Variants in BBS9 observed in about 807,000 individuals in gnomAD.
The protein encoded by BBS9 is protein PTHB1.
BBS9 carries 89 observed loss-of-function variants against 117.7 expected under a neutral mutation model. The observed-to-expected ratio is 0.76, with a 90% CI of 0.64 to 0.90. The LOEUF is 0.90. Among genes scored for constraint, BBS9 ranks in the 40% least tolerant of loss-of-function variants. The pLI, the probability that BBS9 is intolerant of heterozygous loss-of-function variation, is 0.00. For synonymous variants in BBS9, 379 were observed against 370.9 expected (o/e 1.02, Z -0.25); for missense variants, 982 against 1,042.2 (o/e 0.94, Z 0.80).
At chr7:33,514,841 A>G (rs1379309617) in intron 20 of BBS9, among the ~76,000 whole-genome samples, 2 of 152,196 alleles carry the variant, frequency 1.3e-5, no homozygotes, top group African/African-American at 4.8e-5. Context: ...AATAATAATA[A>G]CAACAATAAT....
At chr7:33,357,829 A>C (rs375095388) in intron 15 of BBS9, 26 bp from the exon 16 acceptor site, 2 of 1,604,866 alleles carry the variant, frequency 1.2e-6, no homozygotes, top group East Asian at 4.5e-5. Flanking sequence ...AAGTCTATGA[A>C]TCTACATATC....
intron 5 of BBS9, among the ~76,000 whole-genome samples, chr7:33,194,096 T>C (rs1285508228): frequency 1.3e-5 from 2 of 152,166 alleles, no homozygotes; most frequent in African/African-American, 4.8e-5. Context: ...TTTTTCTTTT[T>C]GCAGAAAAAA....
At chr7:33,265,202 T>C (rs1798604705) in intron 7 of BBS9, among the ~76,000 whole-genome samples, 1 of 152,150 alleles carries the variant, frequency 6.6e-6, no homozygotes, top group Admixed American at 6.5e-5. Context: ...TAATGTAGAA[T>C]TTAGAATACT....
At chr7:33,252,919 T>G (rs909503877) in intron 5 of BBS9, among the ~76,000 whole-genome samples, 2 of 152,160 alleles carry the variant, frequency 1.3e-5, no homozygotes, top group African/African-American at 4.8e-5. Flanking sequence ...AAAACCCATA[T>G]TTCTACCACA....
Position 33,344,531 on chromosome 7 carries a change from G to A in BBS9, c.1276-50G>A, listed in dbSNP as rs536200001. 5.6e-4 allele frequency: 864 copies of A among 1,529,770 alleles called. 15 individuals are homozygous for A. In the South Asian group the frequency reaches 9.2e-3, roughly 16 times the overall value. 94.8% of individuals were successfully genotyped at this position (1,529,770 alleles called of 1,614,324 possible). A position where few individuals can be genotyped will look rare whatever the true frequency, so the allele number is the denominator to read the frequency against. On this transcript the variant is annotated intron_variant, in intron 11 of 22. Coordinates refer to ENST00000242067, the MANE Select transcript of BBS9 (RefSeq NM_198428.3). ...GCACTCATTGTGTTCACTCACTGCT[G>A]TGTAATATTGACATCATTCTTTCTT...
chr7:33,197,796 A>T (rs1785174362), intron 5 of BBS9, among the ~76,000 whole-genome samples: 1 of 152,032 alleles, frequency 6.6e-6, no homozygotes, highest in South Asian at 2.1e-4. Flanking sequence ...TTTTTAAATT[A>T]TACTGTTAAA....
chr7:33,296,079 G>A (rs188429990), intron 9 of BBS9, among the ~76,000 whole-genome samples: 13 of 152,022 alleles, frequency 8.6e-5, no homozygotes, highest in African/African-American at 2.6e-4. Flanking sequence ...CTACTTATAC[G>A]TTGAAATACA....
intron 19 of BBS9, among the ~76,000 whole-genome samples, chr7:33,452,829 C>T (rs1043303046): frequency 1.6e-4 from 24 of 152,074 alleles, no homozygotes; most frequent in African/African-American, 3.1e-4. Flanking sequence ...GTGATAATAA[C>T]GCAAAAGTTA....
chr7:33,559,028 C>G (rs1471235888), intron 21 of BBS9, among the ~76,000 whole-genome samples: 1 of 152,174 alleles, frequency 6.6e-6, no homozygotes. Context: ...TGCAGACTTA[C>G]GACTAGCTTC....
intron 9 of BBS9, among the ~76,000 whole-genome samples, chr7:33,308,286 A>G (rs1202548476): frequency 6.6e-6 from 1 of 152,184 alleles, no homozygotes; most frequent in Non-Finnish European, 1.5e-5. Context: ...AGCTCATTCC[A>G]GACCCCGCTT....
Position 33,331,677 on chromosome 7 carries a change from C to CA in BBS9, c.1017-4764_1017-4763insA, listed in dbSNP as rs1554424548. On this transcript the variant is annotated intron_variant, in intron 9 of 22. Transcript: ENST00000242067. ...TACAACTGCCAAAAAAAAAAAAAAA[C>CA]CACACACACACACAACTCCCCCCAA... Among the ~76,000 whole-genome samples the CA allele has an allele frequency of 2.3e-5, 3 of 129,134 alleles. No homozygotes were observed. The East Asian group carries it at 7.6e-4, about 33-fold the overall frequency. 84.7% of individuals were successfully genotyped at this position (129,134 alleles called of 152,430 possible).
In BBS9 at chr7:33,588,056, A is replaced by G. The variant is rs189369519; in HGVS notation, c.2522-16809A>G. ...GCAGTTTCTTCATCCATAAATAACT[A>G]TTATCAAGAACTGGAATTACAAATG... On this transcript the variant is annotated intron_variant, in intron 21 of 22. Coordinates refer to ENST00000242067, the MANE Select transcript of BBS9 (RefSeq NM_198428.3). 9.2e-5 allele frequency among the ~76,000 whole-genome samples: 14 copies of G among 152,174 alleles called. No homozygotes were observed. The East Asian group carries it at 2.7e-3, about 29-fold the overall frequency.
At chr7:33,363,820 T>G (rs1274707708) in intron 16 of BBS9, among the ~76,000 whole-genome samples, 1 of 152,096 alleles carries the variant, frequency 6.6e-6, no homozygotes, top group Non-Finnish European at 1.5e-5. Flanking sequence ...GTTTTCTTCT[T>G]TATTTGATTA....
rs572965795 is a variant in BBS9 at position 33,362,647 on chromosome 7, G to C, written c.1693+4652G>C. The stretch of plus-strand genomic sequence containing the variant: ...TCTATTGCTATATACCAATAACATT[G>C]TGTTTTGATGACTGTATATTTATAA... On this transcript the variant is annotated intron_variant, in intron 16 of 22. Transcript: ENST00000242067. Among the ~76,000 whole-genome samples the C allele has an allele frequency of 3.3e-5, 5 of 152,186 alleles. No individual in the cohort carries two copies. The South Asian group carries it at 1.0e-3, about 32-fold the overall frequency.
chr7:33,188,906 G>C (rs904490128), intron 5 of BBS9, among the ~76,000 whole-genome samples: 1 of 152,120 alleles, frequency 6.6e-6, no homozygotes. Flanking sequence ...TTTTATAAGG[G>C]GGGGAGAAGT....
chr7:33,254,337 C>G (rs1796682415), intron 5 of BBS9, among the ~76,000 whole-genome samples: 1 of 152,120 alleles, frequency 6.6e-6, no homozygotes, highest in Non-Finnish European at 1.5e-5. Flanking sequence ...ACTTTGACAT[C>G]TTTCCTCTAA....
intron 5 of BBS9, among the ~76,000 whole-genome samples, chr7:33,243,133 T>A (rs1211796451): frequency 2.0e-5 from 3 of 152,252 alleles, no homozygotes; most frequent in Non-Finnish European, 2.9e-5. Context: ...TCATTGGACT[T>A]CTGTTAGAAA....
chr7:33,268,219 G>A (rs7778657), intron 7 of BBS9, among the ~76,000 whole-genome samples: 125,984 of 152,214 alleles, frequency 0.83, 52,178 homozygotes, highest in Admixed American at 0.86. Context: ...GGCCTTGTGT[G>A]GTTTCCTTAC....
chr7:33,374,430 A>G (rs987451137), intron 17 of BBS9, among the ~76,000 whole-genome samples: 8 of 152,002 alleles, frequency 5.3e-5, no homozygotes, highest in African/African-American at 1.9e-4. Context: ...AGTTTAACTT[A>G]TACAGTGATT....
Sources: allele counts gnomAD v4.1 joint callset (sites outside exome capture counted in the v4.1 genomes callset), GRCh38; gene constraint gnomAD v4.1.1; transcripts MANE v1.5; gene names NCBI Gene and HGNC (gene_info 2026-07-23, HGNC 2026-07-21).